The following MIPEP variants were observed in gnomAD, a reference collection of about 807,000 sequenced individuals.
MIPEP encodes the protein mitochondrial intermediate peptidase.
In MIPEP, 79 loss-of-function variants were observed where a neutral mutation model predicts 90.3. The observed-to-expected ratio is 0.87, with a 90% confidence interval of 0.73 to 1.05. The LOEUF (loss-of-function observed/expected upper bound fraction) is 1.05. MIPEP is among the 50% of genes least tolerant of loss of function. The pLI, the probability that MIPEP is intolerant of heterozygous loss-of-function variation, is 0.00. For synonymous variants in MIPEP, 334 were observed against 315.8 expected (o/e 1.06, Z -0.61); for missense variants, 940 against 905.6 (o/e 1.04, Z -0.49).
intron 16 of MIPEP, among the ~76,000 whole-genome samples, chr13:23,798,576 T>C (rs190856431): frequency 3.9e-5 from 6 of 152,344 alleles, no homozygotes; most frequent in African/African-American, 1.4e-4. Flanking sequence ...TGTCAAATTG[T>C]AATCCACAAC....
intron 9 of MIPEP, among the ~76,000 whole-genome samples, chr13:23,859,926 A>C (rs3794339): frequency 0.37 from 57,029 of 152,142 alleles, 10,891 homozygotes; most frequent in East Asian, 0.46. Flanking sequence ...AGATACTTGT[A>C]GGCTTATTTT....
intron 16 of MIPEP, among the ~76,000 whole-genome samples, chr13:23,790,332 A>G (rs1424468143): frequency 6.6e-6 from 1 of 152,210 alleles, no homozygotes; most frequent in Non-Finnish European, 1.5e-5. Flanking sequence ...CTCCTGTTAG[A>G]ATTCTGATGA....
At chr13:23,825,701 A>T (rs1803135838) in intron 14 of MIPEP, among the ~76,000 whole-genome samples, 1 of 152,198 alleles carries the variant, frequency 6.6e-6, no homozygotes, top group African/African-American at 2.4e-5. Context: ...AAACTAATAG[A>T]TCTATTGCCC....
intron 4 of MIPEP, among the ~76,000 whole-genome samples, chr13:23,876,208 T>C (rs967003695): frequency 2.6e-5 from 4 of 152,206 alleles, no homozygotes; most frequent in Admixed American, 1.3e-4. Flanking sequence ...AGAACTACTA[T>C]TCTTATTCTG....
At position 23,760,697 on chromosome 13, in the gene MIPEP, A is replaced by G. The variant is rs138957081; in HGVS notation, c.1849-480T>C. ...AGTAAATTTCTGTTGTTTAAGCCAC[A>G]TAGTCTCTGGCATTTTGTGAAGGCA... On this transcript the variant is annotated intron_variant, in intron 16 of 18. Coordinates refer to ENST00000382172, the MANE Select transcript of MIPEP (RefSeq NM_005932.4). The G allele has an allele frequency of 6.3e-3, 2,837 of 447,958 alleles. 63 individuals are homozygous for G. Among genetic ancestry groups the G allele is most frequent in the South Asian group, 0.032 (1,976 of 62,596 alleles). The allele number at this position is 447,958 out of a possible 1,614,324, so 27.7% of individuals were successfully genotyped here.
At chr13:23,769,569 T>G (rs148661342) in intron 16 of MIPEP, among the ~76,000 whole-genome samples, 275 of 152,078 alleles carry the variant, frequency 1.8e-3, no homozygotes, top group East Asian at 0.016. Context: ...AGGAAGCAGG[T>G]GTGTGGGGGG....
At chr13:23,849,528 A>G (rs1159544501) in intron 10 of MIPEP, among the ~76,000 whole-genome samples, 2 of 152,244 alleles carry the variant, frequency 1.3e-5, no homozygotes, top group Admixed American at 1.3e-4. Context: ...GTGACTGAAT[A>G]AGTCCAATAA....
At chr13:23,787,938 T>C (rs1162332536) in intron 16 of MIPEP, among the ~76,000 whole-genome samples, 6 of 152,192 alleles carry the variant, frequency 3.9e-5, no homozygotes, top group African/African-American at 1.4e-4. Flanking sequence ...GTCCCTATGA[T>C]TACTATCATT....
At chr13:23,739,775 G>A (rs985433313) in intron 18 of MIPEP, among the ~76,000 whole-genome samples, 5 of 151,710 alleles carry the variant, frequency 3.3e-5, no homozygotes, top group Non-Finnish European at 7.3e-5. Context: ...CTCCACTTCA[G>A]ACTGAACGTC....
At chr13:23,800,979 AT>A (rs1288296059) in intron 16 of MIPEP, among the ~76,000 whole-genome samples, 4 of 152,236 alleles carry the variant, frequency 2.6e-5, no homozygotes, top group Non-Finnish European at 4.4e-5. Flanking sequence ...AGAATTGCTA[AT>A]ATAGACATAT....
intron 11 of MIPEP, among the ~76,000 whole-genome samples, chr13:23,840,637 A>C (rs1411221438): frequency 1.3e-5 from 2 of 151,986 alleles, no homozygotes; most frequent in Non-Finnish European, 2.9e-5. Context: ...CACCACACCT[A>C]CTCTCCACTC....
intron 16 of MIPEP, among the ~76,000 whole-genome samples, chr13:23,779,264 T>C (rs943064): frequency 0.78 from 118,797 of 152,098 alleles, 46,721 homozygotes; most frequent in Admixed American, 0.83. Context: ...ATGTTGTGAG[T>C]GATGTGTATG....
chr13:23,770,453 T>C (rs1202617723), intron 16 of MIPEP, among the ~76,000 whole-genome samples: 4 of 152,220 alleles, frequency 2.6e-5, no homozygotes, highest in African/African-American at 9.7e-5. Context: ...GCTGTCTCAG[T>C]GCCAATTCCA....
In MIPEP at chr13:23,874,526, T is replaced by C. The variant is rs544465523; in HGVS notation, c.603+320A>G. Among the ~76,000 whole-genome samples, 4 of 152,334 alleles carry C rather than the reference T, an allele frequency of 2.6e-5. No homozygotes were observed. The East Asian group carries it at 5.8e-4, about 22-fold the overall frequency. ...TATGTGATATTCCCTGTACTACCAA[T>C]CTTCAATGACATCAGCTTTCCCATT... On this transcript the variant is annotated intron_variant, in intron 5 of 18. Coordinates refer to ENST00000382172, the MANE Select transcript of MIPEP (RefSeq NM_005932.4).
At position 23,836,450 on chromosome 13, in the gene MIPEP, G is replaced by T. The variant is rs1869054368; in HGVS notation, c.1544-101C>A. ...CTTTTATTTGTACTTCTGATGAACT[G>T]TAAGTTTTAATTCATTAAATCAATA... On this transcript the variant is annotated intron_variant, in intron 13 of 18. Coordinates refer to ENST00000382172, the MANE Select transcript of MIPEP (RefSeq NM_005932.4). The T allele has an allele frequency of 2.2e-5, 12 of 536,344 alleles. No homozygotes were observed. In the East Asian group the frequency reaches 3.5e-4, roughly 16 times the overall value. The allele number at this position is 536,344 out of a possible 1,614,324, so 33.2% of individuals were successfully genotyped here.
chr13:23,785,490 G>A, intron 16 of MIPEP, among the ~76,000 whole-genome samples: 1 of 146,494 alleles, frequency 6.8e-6, no homozygotes, highest in Admixed American at 6.9e-5. Context: ...TTGGGGGAGG[G>A]GGGAGGGAAA....
intron 14 of MIPEP, among the ~76,000 whole-genome samples, chr13:23,823,315 C>G (rs1299025144): frequency 6.6e-6 from 1 of 152,144 alleles, no homozygotes; most frequent in Non-Finnish European, 1.5e-5. Context: ...AAAAATACCT[C>G]TGCCACAAAA....
chr13:23,845,675 A>T (rs988242963), intron 10 of MIPEP, among the ~76,000 whole-genome samples: 1 of 152,146 alleles, frequency 6.6e-6, no homozygotes, highest in Admixed American at 6.6e-5. Context: ...AAGTTTTTTG[A>T]TATGTATTTC....
chr13:23,773,210 T>C (rs1437437483), intron 16 of MIPEP, among the ~76,000 whole-genome samples: 3 of 152,198 alleles, frequency 2.0e-5, no homozygotes, highest in Non-Finnish European at 4.4e-5. Flanking sequence ...GGACATTTCA[T>C]ATAAATGAAA....
Sources: allele counts gnomAD v4.1 joint callset (sites outside exome capture counted in the v4.1 genomes callset), GRCh38; gene constraint gnomAD v4.1.1; transcripts MANE v1.5; gene names NCBI Gene and HGNC (gene_info 2026-07-23, HGNC 2026-07-21).